FOXP2: variants seen among roughly 807,000 people sequenced by gnomAD.
The protein encoded by FOXP2 is forkhead box protein P2.
Under a neutral mutation model 115.8 loss-of-function variants are expected in FOXP2, and 12 were observed. The ratio of observed to expected loss-of-function variants is 0.10; its 90% CI spans 0.07 to 0.17. The LOEUF is 0.17. FOXP2 is among the 10% of genes least tolerant of loss of function. The pLI, the probability that FOXP2 is intolerant of heterozygous loss-of-function variation, is 1.00. For synonymous variants in FOXP2, 328 were observed against 297.7 expected (o/e 1.10, Z -1.05); for missense variants, 629 against 843.5 (o/e 0.75, Z 3.15).
At chr7:114,359,132 G>T (rs562414385) in intron 2 of FOXP2, among the ~76,000 whole-genome samples, 6 of 152,278 alleles carry the variant, frequency 3.9e-5, no homozygotes, top group Admixed American at 6.5e-5. Context: ...TGGGGACTTG[G>T]TGACTTGTGT....
At chr7:114,617,324 A>C (rs933044821) in intron 3 of FOXP2, among the ~76,000 whole-genome samples, 4 of 152,178 alleles carry the variant, frequency 2.6e-5, no homozygotes, top group Admixed American at 6.6e-5. Context: ...CATCCTATAT[A>C]TTACTGTTAA....
Position 114,653,073 on chromosome 7 carries a change from G to A in FOXP2, c.1182+783G>A, listed in dbSNP as rs868815969. Among the ~76,000 whole-genome samples the A allele has an allele frequency of 4.6e-5, 7 of 152,138 alleles. No individual in the cohort carries two copies. In the Middle Eastern group the frequency reaches 0.017, roughly 370 times the overall value. Reference sequence around the variant, plus strand: ...AATACTTTGTTTCATTTAAAGATACGATTTTTCTTCATATTTTATTACATC... The same window carrying A: ...AATACTTTGTTTCATTTAAAGATACAATTTTTCTTCATATTTTATTACATC... On this transcript the variant is annotated intron_variant, in intron 9 of 16. Coordinates refer to ENST00000350908, the MANE Select transcript of FOXP2 (RefSeq NM_014491.4).
intron 1 of FOXP2, among the ~76,000 whole-genome samples, chr7:114,224,375 A>C (rs896785494): frequency 6.6e-6 from 1 of 152,126 alleles, no homozygotes; most frequent in Non-Finnish European, 1.5e-5. Context: ...AGTGATATTG[A>C]GTCTTCCTAT....
intron 1 of FOXP2, among the ~76,000 whole-genome samples, chr7:114,157,781 G>C (rs1168543820): frequency 1.3e-5 from 2 of 152,044 alleles, no homozygotes; most frequent in African/African-American, 2.4e-5. Flanking sequence ...CAAAAGGTAT[G>C]TCTGGCATAT....
chr7:114,629,500 T>TA (rs1298152676), intron 4 of FOXP2: 3 of 1,097,574 alleles, frequency 2.7e-6, no homozygotes, highest in Admixed American at 2.2e-5. Context: ...GCCTAGTTTT[T>TA]ATGTGTCAGT....
intron 16 of FOXP2, chr7:114,669,677 T>C (rs1040395256): frequency 6.6e-6 from 1 of 152,054 alleles, no homozygotes; most frequent in African/African-American, 2.4e-5. Context: ...TTCTCTCATG[T>C]GTTGGACTTA....
intron 2 of FOXP2, among the ~76,000 whole-genome samples, chr7:114,480,530 T>C (rs1269328268): frequency 6.6e-6 from 1 of 150,732 alleles, no homozygotes; most frequent in Non-Finnish European, 1.5e-5. Flanking sequence ...TATATATATA[T>C]GCACACACAC....
At chr7:114,361,970 A>G (rs1791755863) in intron 2 of FOXP2, among the ~76,000 whole-genome samples, 1 of 152,082 alleles carries the variant, frequency 6.6e-6, no homozygotes, top group African/African-American at 2.4e-5. Flanking sequence ...AAAGATCTGA[A>G]TGAGCCCAGA....
intron 1 of FOXP2, among the ~76,000 whole-genome samples, chr7:114,207,935 C>A (rs1001614673): frequency 6.6e-6 from 1 of 152,182 alleles, no homozygotes; most frequent in African/African-American, 2.4e-5. Context: ...CCAAGGCAGG[C>A]GGGCTGCTTG....
chr7:114,566,542 T>C (rs903005154), intron 3 of FOXP2, among the ~76,000 whole-genome samples: 5 of 152,086 alleles, frequency 3.3e-5, no homozygotes, highest in African/African-American at 4.8e-5. Context: ...GTGTTTCCCC[T>C]TCCCCTTCTG....
In FOXP2 at chr7:114,332,308, A is replaced by G. The variant is rs147761645; in HGVS notation, c.-11+44199A>G. Among the ~76,000 whole-genome samples the G allele has an allele frequency of 2.7e-3, 407 of 152,286 alleles. 3 individuals are homozygous for G. The highest frequency in any genetic ancestry group is 9.4e-3 in the African/African-American group (392 of 41,568). The stretch of plus-strand genomic sequence containing the variant: ...AGAGTAAAATGTCTCCCCTGAGCTA[A>G]GCATAATTCAGTTGTTTTCTTCCTT... On this transcript the variant is annotated intron_variant, in intron 2 of 17. Transcript: ENST00000634411.
Position 114,574,654 on chromosome 7 carries a change from G to A in FOXP2, c.258+39948G>A, listed in dbSNP as rs12667021. 3.3e-5 allele frequency among the ~76,000 whole-genome samples: 5 copies of A among 151,782 alleles called. No homozygotes were observed. In the South Asian group the frequency reaches 1.0e-3, roughly 31 times the overall value. On this transcript the variant is annotated intron_variant, in intron 3 of 16. Coordinates refer to ENST00000350908, the MANE Select transcript of FOXP2 (RefSeq NM_014491.4). ...TGAATGACCTCATTAACACCTATCT[G>A]CAAGTAATCTTATTGTTAGTGTTGC...
chr7:114,601,812 AC>A (rs915084511), intron 3 of FOXP2, among the ~76,000 whole-genome samples: 3 of 152,128 alleles, frequency 2.0e-5, no homozygotes, highest in African/African-American at 7.2e-5. Context: ...GGGTCAAAAA[AC>A]ATCAGTGATT....
chr7:114,349,301 C>T (rs552688222), intron 2 of FOXP2, among the ~76,000 whole-genome samples: 4 of 151,882 alleles, frequency 2.6e-5, no homozygotes, highest in South Asian at 2.1e-4. Context: ...AGGTTTAAGT[C>T]GTAAAACTCA....
intron 3 of FOXP2, among the ~76,000 whole-genome samples, chr7:114,569,816 C>T (rs1801201230): frequency 6.6e-6 from 1 of 151,812 alleles, no homozygotes; most frequent in South Asian, 2.1e-4. Context: ...TTAAACATAA[C>T]CTCTGAACTT....
intron 2 of FOXP2, among the ~76,000 whole-genome samples, chr7:114,343,530 G>A (rs1300128967): frequency 6.6e-6 from 1 of 151,580 alleles, no homozygotes; most frequent in African/African-American, 2.4e-5. Context: ...TGTTTAATAA[G>A]TGTTAGTTAC....
At chr7:114,481,692 A>C (rs920916846) in intron 2 of FOXP2, among the ~76,000 whole-genome samples, 1 of 151,228 alleles carries the variant, frequency 6.6e-6, no homozygotes, top group East Asian at 1.9e-4. Flanking sequence ...AAATTCCCCC[A>C]GAGTATTTAA....
At chr7:114,431,732 A>G (rs1395251077) in intron 2 of FOXP2, among the ~76,000 whole-genome samples, 1 of 151,976 alleles carries the variant, frequency 6.6e-6, no homozygotes, top group Non-Finnish European at 1.5e-5. Context: ...TATTTAGATG[A>G]AAACAATTTT....
At chr7:114,275,909 A>C (rs552816135) in intron 1 of FOXP2, among the ~76,000 whole-genome samples, 1 of 152,290 alleles carries the variant, frequency 6.6e-6, no homozygotes, top group Non-Finnish European at 1.5e-5. Flanking sequence ...GAACTTCACA[A>C]GTGTTTTTCA....
Sources: gnomAD v4.1 joint callset for allele counts (sites outside exome capture counted in the v4.1 genomes callset) on GRCh38, gnomAD v4.1.1 for gene constraint, MANE v1.5 for transcripts, NCBI Gene and HGNC (gene_info 2026-07-23, HGNC 2026-07-21) for gene names.